The following PCDHGB2 variants were observed in gnomAD, a reference collection of about 807,000 sequenced individuals.
PCDHGB2 encodes the protein protocadherin gamma-B2.
In PCDHGB2, 55 loss-of-function variants were observed where a neutral mutation model predicts 59.3. The ratio of observed to expected loss-of-function variants is 0.93; its 90% confidence interval spans 0.75 to 1.16. The LOEUF is 1.16. PCDHGB2 is among the 50% of genes most tolerant of loss of function. The pLI is 0.00. For synonymous variants in PCDHGB2, 516 were observed against 512.0 expected (o/e 1.01, Z -0.11); for missense variants, 1,228 against 1,198.5 (o/e 1.02, Z -0.36).
At chr5:141,414,143 T>C (rs887054185) in intron 1 of PCDHGB2, 1 of 1,597,122 alleles carries the variant, frequency 6.3e-7, no homozygotes, top group Non-Finnish European at 8.5e-7. Flanking sequence ...GAAATAGAAA[T>C]ACAAGCAGAA....
chr5:141,404,879 G>C (rs770577946), intron 1 of PCDHGB2: 1 of 1,613,906 alleles, frequency 6.2e-7, no homozygotes, highest in Non-Finnish European at 8.5e-7. Flanking sequence ...ACAGAGCCTT[G>C]TGGTGGCTGT....
rs1358516648 is a variant in PCDHGB2, at chr5:141,489,199, A to C, written c.2422-5608A>C. The C allele has an allele frequency of 1.4e-6, 2 of 1,395,234 alleles. No individual in the cohort carries two copies. The highest frequency in any genetic ancestry group is 2.8e-5 in the South Asian group (2 of 71,520). The allele number at this position is 1,395,234 out of a possible 1,614,324, so 86.4% of individuals were successfully genotyped here. ...CAAGCCCTGGGTCTACCTTGGAGAC[A>C]GGACAGCACAGACTTACTCTCCACA... On this transcript the variant is annotated intron_variant, in intron 1 of 3. Transcript: ENST00000522605. The surrounding 1 kb of genome is among the most constrained non-coding windows in gnomAD (Gnocchi z 4.5).
intron 1 of PCDHGB2, chr5:141,393,005 C>T: frequency 6.2e-7 from 1 of 1,613,866 alleles, no homozygotes; most frequent in Non-Finnish European, 8.5e-7. Context: ...AGCACGGAGT[C>T]CGTATCGTCT....
intron 1 of PCDHGB2, among the ~76,000 whole-genome samples, chr5:141,406,263 TC>T (rs1163660392): frequency 3.9e-5 from 6 of 151,964 alleles, no homozygotes; most frequent in Non-Finnish European, 8.8e-5. Flanking sequence ...CAAACGATCT[TC>T]CTGCTTCAGT....
intron 2 of PCDHGB2, 160 bp from the exon 3 acceptor site, chr5:141,505,233 C>T: frequency 1.1e-6 from 1 of 872,838 alleles, no homozygotes; most frequent in Non-Finnish European, 1.4e-6. Context: ...ATTCTGGCTT[C>T]TGAAGGATTG....
At chr5:141,466,654 C>A (rs985749176) in intron 1 of PCDHGB2, among the ~76,000 whole-genome samples, 12 of 152,178 alleles carry the variant, frequency 7.9e-5, no homozygotes, top group African/African-American at 2.9e-4. Flanking sequence ...TTTCACAAAA[C>A]ATCAGTGATT....
intron 1 of PCDHGB2, chr5:141,370,526 C>A: frequency 1.2e-6 from 2 of 1,613,860 alleles, no homozygotes; most frequent in Non-Finnish European, 8.5e-7. Flanking sequence ...TGGACAGGGG[C>A]TCGCTGGTAG....
intron 1 of PCDHGB2, chr5:141,430,959 T>A: frequency 6.2e-7 from 1 of 1,612,026 alleles, no homozygotes; most frequent in Non-Finnish European, 8.5e-7. Flanking sequence ...GTCCGCATCA[T>A]CCCCAGAGGT....
intron 1 of PCDHGB2, among the ~76,000 whole-genome samples, chr5:141,401,533 C>T (rs998579261): frequency 5.9e-5 from 9 of 151,790 alleles, no homozygotes; most frequent in South Asian, 2.1e-4. Context: ...AAGAAACTTA[C>T]AAAAAAAAGG....
At chr5:141,501,569 G>A (rs1401631416) in intron 2 of PCDHGB2, among the ~76,000 whole-genome samples, 3 of 151,998 alleles carry the variant, frequency 2.0e-5, no homozygotes, top group African/African-American at 7.2e-5. Flanking sequence ...AATCATATTA[G>A]GCTGGCTTTC....
chr5:141,487,404 C>T lies in PCDHGB2; in HGVS notation c.2422-7403C>T, dbSNP rs771371344. ...AGATCTCGAAGGAGGGAGGGGCTTC[C>T]CCCTTCCAATGGGATCCTCCGAATC... On this transcript the variant is annotated intron_variant, in intron 1 of 3. Transcript: ENST00000522605. The surrounding 1 kb of genome is among the most constrained non-coding windows in gnomAD (Gnocchi z 5.0). 2 of 1,614,178 alleles carry T rather than the reference C, an allele frequency of 1.2e-6. No homozygotes were observed. Among genetic ancestry groups the T allele is most frequent in the Non-Finnish European group, 8.5e-7 (1 of 1,180,032 alleles).
intron 1 of PCDHGB2, chr5:141,370,363 G>A: frequency 1.3e-6 from 2 of 1,518,634 alleles, no homozygotes; most frequent in South Asian, 1.3e-5. Context: ...TCCTCTCCTC[G>A]GATTTAGAAA....
At chr5:141,508,681 C>T (rs970069) in intron 3 of PCDHGB2, among the ~76,000 whole-genome samples, 26,289 of 151,984 alleles carry the variant, frequency 0.17, 2,539 homozygotes, top group Admixed American at 0.29. Flanking sequence ...CTCCCTTCTC[C>T]CTGCTTCTCC....
At position 141,491,098 on chromosome 5, in the gene PCDHGB2, C is replaced by A. The variant is rs1283499077; in HGVS notation, c.2422-3709C>A. ...ACAGTCCACAGCCCCAGGACTGTTC[C>A]TCGTGTCTACACACACTGGTGAGGT... On this transcript the variant is annotated intron_variant, in intron 1 of 3. Coordinates refer to ENST00000522605, the MANE Select transcript of PCDHGB2 (RefSeq NM_018923.3). This position sits in a 1 kb window ranked among gnomAD's most constrained non-coding sequence, Gnocchi z 6.9. 6.2e-7 allele frequency: 1 copy of A among 1,614,216 alleles called. No individual in the cohort carries two copies. Among genetic ancestry groups the A allele is most frequent in the Non-Finnish European group, 8.5e-7 (1 of 1,180,038 alleles).
rs898442312 is a variant in PCDHGB2 at position 141,361,078 on chromosome 5, T to C, written c.943T>C (p.Tyr315His). ...TTTGGATTTTGAGATTGCAAGTAGT[T>C]ACACTCTGAGTATCGAAGCAAAAGA... ...DDLDFEIASS[Y>H]TLSIEAKDPG... The change falls in exon 1 of 4, where the codon TAC becomes CAC. Residue 315 changes from tyrosine (Y) to histidine (H), a missense_variant. Around this residue, in one of 3 missense-constraint regions of PCDHGB2, gnomAD observed 781 missense variants for 721.6 expected, o/e 1.08. Transcript: ENST00000522605. The C allele has an allele frequency of 3.7e-6, 6 of 1,613,886 alleles. No individual in the cohort carries two copies. The highest frequency in any genetic ancestry group is 1.7e-5 in the Admixed American group (1 of 60,012).
Position 141,385,647 on chromosome 5 carries a change from A to C in PCDHGB2, c.2421+23091A>C, listed in dbSNP as rs541754761. On this transcript the variant is annotated intron_variant, in intron 1 of 3. Transcript: ENST00000522605. The stretch of plus-strand genomic sequence containing the variant: ...GAATGAATCGAGTCTTTCATATTGC[A>C]CAAGGTTAGCAGGAATAAAACACAC... The C allele has an allele frequency of 2.2e-5, 16 of 727,638 alleles. No homozygotes were observed. The African/African-American group carries it at 2.4e-4, about 11-fold the overall frequency. 45.1% of individuals were successfully genotyped at this position (727,638 alleles called of 1,614,324 possible).
At position 141,390,867 on chromosome 5, in the gene PCDHGB2, CGTGT is replaced by C. The variant is rs61319619; in HGVS notation, c.2421+28329_2421+28332del. The C allele has an allele frequency of 5.1e-4, 77 of 151,148 alleles. No homozygotes were observed. The East Asian group carries it at 6.0e-3, about 12-fold the overall frequency. 9.4% of individuals were successfully genotyped at this position (151,148 alleles called of 1,614,324 possible). A position where few individuals can be genotyped will look rare whatever the true frequency, so the allele number is the denominator to read the frequency against. On this transcript the variant is annotated intron_variant, in intron 1 of 3. Coordinates refer to ENST00000522605, the MANE Select transcript of PCDHGB2 (RefSeq NM_018923.3). ...TTATATGCAGTGTACGCTGTGTGTG[CGTGT>C]GTGTGTGTGTGTGTGTGAGAGAGAT...
In PCDHGB2 at chr5:141,491,759, G is replaced by A; in HGVS notation, c.2422-3048G>A. On this transcript the variant is annotated intron_variant, in intron 1 of 3. Coordinates refer to ENST00000522605, the MANE Select transcript of PCDHGB2 (RefSeq NM_018923.3). The surrounding 1 kb of genome is among the most constrained non-coding windows in gnomAD (Gnocchi z 6.9). ...GGGGGCGGCACTGGAGAAGCCGCCC[G>A]TCCTCATAAGGGATTGAACTTGCAT... 2 of 1,575,392 alleles carry A rather than the reference G, an allele frequency of 1.3e-6. No homozygotes were observed. The highest frequency in any genetic ancestry group is 1.9e-5 in the Admixed American group (1 of 52,640).
intron 1 of PCDHGB2, chr5:141,414,883 G>T: frequency 6.2e-7 from 1 of 1,614,176 alleles, no homozygotes; most frequent in Non-Finnish European, 8.5e-7. Context: ...CCTGTACCCC[G>T]CCCTCCCCAC....
Sources: allele counts gnomAD v4.1 joint callset (sites outside exome capture counted in the v4.1 genomes callset), GRCh38; gene constraint gnomAD v4.1.1; regional missense constraint gnomAD v4.1.1; non-coding constraint Gnocchi (gnomAD v3.1); transcripts MANE v1.5; gene names NCBI Gene and HGNC (gene_info 2026-07-23, HGNC 2026-07-21).